DCUN1D5: variants seen among roughly 807,000 people sequenced by gnomAD.
DCUN1D5 encodes defective in cullin neddylation 1 domain containing 5.
In DCUN1D5, 10 loss-of-function variants were observed where a neutral mutation model predicts 38.3. The observed-to-expected ratio is 0.26, with a 90% CI of 0.16 to 0.44. The LOEUF (loss-of-function observed/expected upper bound fraction) is 0.44, where lower values mean the gene tolerates loss of function less well. Ranked by LOEUF, DCUN1D5 falls within the 20% of genes least tolerant of loss-of-function variation. DCUN1D5 has a pLI of 1.00. For synonymous variants in DCUN1D5, 93 were observed against 90.9 expected (o/e 1.02, Z -0.13); for missense variants, 148 against 275.3 (o/e 0.54, Z 3.27).
Position 103,077,721 on chromosome 11 carries a change from C to G in DCUN1D5, c.341+5027G>C, listed in dbSNP as rs2134623234. On this transcript the variant is annotated intron_variant, in intron 4 of 7. Transcript: ENST00000260247. This position sits in a 1 kb window ranked among gnomAD's most constrained non-coding sequence, Gnocchi z 4.3. ...GAGGCTCTCTTCCTAATCCATAAGTCCCAGTGACTGTGCTGTGACACATTG... is the reference window on the plus strand; with the variant it reads ...GAGGCTCTCTTCCTAATCCATAAGTGCCAGTGACTGTGCTGTGACACATTG... 6.6e-6 allele frequency among the ~76,000 whole-genome samples: 1 copy of G among 152,150 alleles called. No homozygotes were observed. The highest frequency in any genetic ancestry group is 1.9e-4 in the East Asian group (1 of 5,202).
At chr11:103,082,671 G>A (rs2134630666) in intron 4 of DCUN1D5, 77 bp downstream of exon 4, 1 of 991,116 alleles carries the variant, frequency 1.0e-6, no homozygotes, top group Non-Finnish European at 1.5e-6. Context: ...CCTTACTCCT[G>A]AAAATTATGA....
chr11:103,064,169 C>G lies in DCUN1D5; in HGVS notation c.658+106G>C, dbSNP rs1332694897. 3 of 746,256 alleles carry G rather than the reference C, an allele frequency of 4.0e-6. No individual in the cohort carries two copies. The highest frequency in any genetic ancestry group is 5.8e-5 in the Admixed American group (2 of 34,350). 46.2% of individuals were successfully genotyped at this position (746,256 alleles called of 1,614,324 possible). A position where few individuals can be genotyped will look rare whatever the true frequency, so the allele number is the denominator to read the frequency against. On this transcript the variant is annotated intron_variant, in intron 7 of 7. Transcript: ENST00000260247. The surrounding 1 kb of genome is among the most constrained non-coding windows in gnomAD (Gnocchi z 4.5). ...ATCCCTCACACAATTAAATAAGTTA[C>G]TATTACAAAGTTTAAAACCTCTATG...
In DCUN1D5 at chr11:103,053,668, C is replaced by T. The variant is rs1861802472; in HGVS notation, c.*8691G>A. On this transcript the variant is annotated 3_prime_UTR_variant, in exon 8 of 8. Transcript: ENST00000260247. This position sits in a 1 kb window ranked among gnomAD's most constrained non-coding sequence, Gnocchi z 4.8. ...ATATATCATACTATCACATGTACCC[C>T]CAAATAAATACATCATGTATCAATG... is the stretch of plus-strand genomic sequence containing the variant. 1 of 151,474 alleles carries T rather than the reference C, an allele frequency of 6.6e-6. No individual in the cohort carries two copies. The highest frequency in any genetic ancestry group is 1.5e-5 in the Non-Finnish European group (1 of 67,812). 9.4% of individuals were successfully genotyped at this position (151,474 alleles called of 1,614,324 possible).
At chr11:103,089,204 T>G in intron 2 of DCUN1D5, 23 bp downstream of exon 2, 1 of 1,606,062 alleles carries the variant, frequency 6.2e-7, no homozygotes, top group South Asian at 1.1e-5. Flanking sequence ...ATGACTAGTA[T>G]CTTCTTATAT....
chr11:103,069,490 C>G (rs1862218497), intron 4 of DCUN1D5, among the ~76,000 whole-genome samples: 1 of 152,214 alleles, frequency 6.6e-6, no homozygotes, highest in Non-Finnish European at 1.5e-5. Flanking sequence ...AAGCCTCTCT[C>G]TCAACTCCTA....
In DCUN1D5 at chr11:103,065,657, A is replaced by C. The variant is rs1862117442; in HGVS notation, c.555+612T>G. On this transcript the variant is annotated intron_variant, in intron 6 of 7. Transcript: ENST00000260247. This position sits in a 1 kb window ranked among gnomAD's most constrained non-coding sequence, Gnocchi z 4.6. ...AAAACTAGACAAAGCAATGGAAAAAAAGAATAGCATCTTCTTAGAATCACT... is the reference window on the plus strand; with the variant it reads ...AAAACTAGACAAAGCAATGGAAAAACAGAATAGCATCTTCTTAGAATCACT... Among the ~76,000 whole-genome samples, 1 of 152,178 alleles carries C rather than the reference A, an allele frequency of 6.6e-6. No homozygotes were observed.
In DCUN1D5 at chr11:103,056,578, T is replaced by G. The variant is rs990079415; in HGVS notation, c.*5781A>C. Among the ~76,000 whole-genome samples, 1 of 152,158 alleles carries G rather than the reference T, an allele frequency of 6.6e-6. No homozygotes were observed. Among genetic ancestry groups the G allele is most frequent in the Admixed American group, 6.5e-5 (1 of 15,268 alleles). On this transcript the variant is annotated 3_prime_UTR_variant, in exon 8 of 8. Transcript: ENST00000260247. The surrounding 1 kb of genome is among the most constrained non-coding windows in gnomAD (Gnocchi z 4.9). ...CCCATATAACCTTGTCACCAAATGA[T>G]AAACTATTTTACTAACCAATTAAAA...
chr11:103,082,797 T>C lies in DCUN1D5; in HGVS notation c.292A>G (p.Met98Val), dbSNP rs1399737639. The change falls in exon 4 of 8, where the codon ATG becomes GTG. Residue 98 changes from methionine to valine, a missense_variant. Coordinates refer to ENST00000260247, the MANE Select transcript of DCUN1D5 (RefSeq NM_032299.4). ...VLAWKLEAES[M>V]GFFTKEEWLK... is the part of the protein sequence containing the mutation. ...CATTCTTCCTTGGTAAAAAATCCCA[T>C]GCTTTCAGCCTCCAATTTCCACGCT... The C allele has an allele frequency of 6.2e-7, 1 of 1,613,202 alleles. No individual in the cohort carries two copies.
rs912920267 is a variant in DCUN1D5, at chr11:103,055,313, A to G, written c.*7046T>C. On this transcript the variant is annotated 3_prime_UTR_variant, in exon 8 of 8. Coordinates refer to ENST00000260247, the MANE Select transcript of DCUN1D5 (RefSeq NM_032299.4). ...TGTTCAACCTGCGCTGTTTGGCTAT[A>G]TTAATTCATGTAGAACTCTTCACAA... The G allele has an allele frequency of 6.6e-6, 1 of 152,130 alleles. No homozygotes were observed. The highest frequency in any genetic ancestry group is 2.4e-5 in the African/African-American group (1 of 41,440). 9.4% of individuals were successfully genotyped at this position (152,130 alleles called of 1,614,324 possible). A position where few individuals can be genotyped will look rare whatever the true frequency, so the allele number is the denominator to read the frequency against.
rs1269557339 is a variant in DCUN1D5, at chr11:103,061,888, G to C, written c.*471C>G. Among the ~76,000 whole-genome samples, 1 of 151,976 alleles carries C rather than the reference G, an allele frequency of 6.6e-6. No individual in the cohort carries two copies. The highest frequency in any genetic ancestry group is 1.9e-4 in the East Asian group (1 of 5,178). On this transcript the variant is annotated 3_prime_UTR_variant, in exon 8 of 8. Coordinates refer to ENST00000260247, the MANE Select transcript of DCUN1D5 (RefSeq NM_032299.4). ...GCAAATCATTATCCCAGAAGTCAAG[G>C]CCAACAGTCTTCCAAATTGTGCAGA...
intron 2 of DCUN1D5, among the ~76,000 whole-genome samples, chr11:103,084,099 T>C (rs1056355275): frequency 2.6e-5 from 4 of 152,232 alleles, no homozygotes; most frequent in African/African-American, 4.8e-5. Flanking sequence ...CAAAATGTTA[T>C]CAGATTCCCA....
At chr11:103,089,389 TAAC>T in intron 1 of DCUN1D5, 71 bp from the exon 2 acceptor site, 1 of 1,337,700 alleles carries the variant, frequency 7.5e-7, no homozygotes. Context: ...AGTTCAAAAT[TAAC>T]AACTTCCATT....
chr11:103,055,486 C>G lies in DCUN1D5; in HGVS notation c.*6873G>C, dbSNP rs1315645235. On this transcript the variant is annotated 3_prime_UTR_variant, in exon 8 of 8. Transcript: ENST00000260247. ...TTACTTCAAAACAAAAACTTTATTC[C>G]AAGAATAAAGTGACACTCCCTCCTC... is the stretch of plus-strand genomic sequence containing the variant. The G allele has an allele frequency of 6.6e-6, 1 of 151,944 alleles. No homozygotes were observed. Among genetic ancestry groups the G allele is most frequent in the Non-Finnish European group, 1.5e-5 (1 of 67,970 alleles). 9.4% of individuals were successfully genotyped at this position (151,944 alleles called of 1,614,324 possible).
intron 4 of DCUN1D5, among the ~76,000 whole-genome samples, chr11:103,081,129 AAG>A (rs1251209207): frequency 6.6e-6 from 1 of 152,194 alleles, no homozygotes; most frequent in Admixed American, 6.6e-5. Context: ...TTTTGTTATA[AAG>A]ACTTTTTATA....
At position 103,056,541 on chromosome 11, in the gene DCUN1D5, C is replaced by T. The variant is rs919545770; in HGVS notation, c.*5818G>A. Among the ~76,000 whole-genome samples the T allele has an allele frequency of 3.9e-5, 6 of 152,148 alleles. No homozygotes were observed. Among genetic ancestry groups the T allele is most frequent in the African/African-American group, 1.4e-4 (6 of 41,458 alleles). On this transcript the variant is annotated 3_prime_UTR_variant, in exon 8 of 8. Transcript: ENST00000260247. The surrounding 1 kb of genome is among the most constrained non-coding windows in gnomAD (Gnocchi z 4.9). ...TCACACACTCTCTGGGCCCCTTCCT[C>T]AACTTACTTTCCCCATATAACCTTG...
chr11:103,074,565 C>G (rs2134618537), intron 4 of DCUN1D5, among the ~76,000 whole-genome samples: 1 of 152,268 alleles, frequency 6.6e-6, no homozygotes, highest in East Asian at 1.9e-4. Context: ...ACCACCACAT[C>G]CAGCTAATTT....
intron 4 of DCUN1D5, among the ~76,000 whole-genome samples, chr11:103,067,875 A>G (rs1862171713): frequency 6.6e-6 from 1 of 152,082 alleles, no homozygotes; most frequent in Non-Finnish European, 1.5e-5. Context: ...TGTAGTACAT[A>G]AGACTCAGAA....
chr11:103,064,405 T>G lies in DCUN1D5; in HGVS notation c.556-28A>C. ...GCAAAAATGATTTAAATATTTGTATTTAAATATTTAAACAAACATCATTTA... is the reference window on the plus strand; with the variant it reads ...GCAAAAATGATTTAAATATTTGTATGTAAATATTTAAACAAACATCATTTA... On this transcript the variant is annotated intron_variant, in intron 6 of 7. Transcript: ENST00000260247. The surrounding 1 kb of genome is among the most constrained non-coding windows in gnomAD (Gnocchi z 4.5). 1 of 1,492,008 alleles carries G rather than the reference T, an allele frequency of 6.7e-7. No homozygotes were observed. The highest frequency in any genetic ancestry group is 9.1e-7 in the Non-Finnish European group (1 of 1,094,358). The allele number at this position is 1,492,008 out of a possible 1,614,324, so 92.4% of individuals were successfully genotyped here.
chr11:103,076,814 C>G (rs148114955), intron 4 of DCUN1D5, among the ~76,000 whole-genome samples: 64 of 152,316 alleles, frequency 4.2e-4, no homozygotes, highest in African/African-American at 1.5e-3. Context: ...ATCACCTACA[C>G]TACACACCTT....
Sources: gnomAD v4.1 joint callset for allele counts (sites outside exome capture counted in the v4.1 genomes callset) on GRCh38, gnomAD v4.1.1 for gene constraint, Gnocchi (gnomAD v3.1) non-coding constraint, MANE v1.5 for transcripts, NCBI Gene and HGNC (gene_info 2026-07-23, HGNC 2026-07-21) for gene names.